Variants in BMP6 observed in about 807,000 individuals in gnomAD.
BMP6 encodes the protein VG-1-R.
BMP6 carries 17 observed loss-of-function variants against 54.1 expected under a neutral mutation model. That is an observed-to-expected ratio of 0.31 (90% CI 0.22 to 0.47). The LOEUF is 0.47. BMP6 is among the 20% of genes least tolerant of loss of function. The probability of loss-of-function intolerance (pLI) is 1.00; values close to 1 mark genes in which losing one functional copy is unlikely to be tolerated. For missense variants in BMP6, 720 were observed against 690.4 expected, an observed-to-expected ratio of 1.04 and a Z score of -0.48; for synonymous variants, 328 against 291.2, an observed-to-expected ratio of 1.13 and a Z score of -1.28.
chr6:7,833,799 A>C (rs1444545054), intron 1 of BMP6, among the ~76,000 whole-genome samples: 1 of 152,224 alleles, frequency 6.6e-6, no homozygotes. Context: ...TTTAGGAGTG[A>C]GAGGAATGTG....
intron 4 of BMP6, among the ~76,000 whole-genome samples, chr6:7,872,629 T>G (rs1759546285): frequency 6.6e-6 from 1 of 152,176 alleles, no homozygotes; most frequent in African/African-American, 2.4e-5. Context: ...AACAGCAGGT[T>G]CACAGAAACC....
intron 2 of BMP6, among the ~76,000 whole-genome samples, chr6:7,856,477 C>T (rs199621232): frequency 4.0e-5 from 6 of 151,324 alleles, no homozygotes; most frequent in East Asian, 1.9e-4. Flanking sequence ...CAAGTCCAGA[C>T]GTACAAATGC....
chr6:7,756,161 G>T (rs1259055668), intron 1 of BMP6, among the ~76,000 whole-genome samples: 1 of 151,888 alleles, frequency 6.6e-6, no homozygotes, highest in Non-Finnish European at 1.5e-5. Flanking sequence ...TTACCCATAG[G>T]CTGGACTTCT....
intron 1 of BMP6, among the ~76,000 whole-genome samples, chr6:7,788,845 C>T (rs1318736116): frequency 2.0e-5 from 3 of 151,552 alleles, no homozygotes; most frequent in Non-Finnish European, 4.4e-5. Context: ...TAAGATCCCT[C>T]CCACCCCTTA....
intron 1 of BMP6, among the ~76,000 whole-genome samples, chr6:7,785,359 T>C (rs1758005811): frequency 6.6e-6 from 1 of 152,252 alleles, no homozygotes; most frequent in Admixed American, 6.5e-5. Context: ...GTGTCATAAC[T>C]GAGTGCTTGT....
chr6:7,833,559 A>AGAT (rs1391689112), intron 1 of BMP6, among the ~76,000 whole-genome samples: 3 of 152,182 alleles, frequency 2.0e-5, no homozygotes, highest in African/African-American at 7.2e-5. Context: ...GCTGGGCTGG[A>AGAT]GATAGAAATT....
intron 2 of BMP6, among the ~76,000 whole-genome samples, chr6:7,849,036 A>G (rs549826449): frequency 6.6e-6 from 1 of 152,186 alleles, no homozygotes; most frequent in African/African-American, 2.4e-5. Context: ...TTCCTAAACT[A>G]TTGTCTGCTA....
At chr6:7,730,142 C>T (rs1761826330) in intron 1 of BMP6, among the ~76,000 whole-genome samples, 1 of 152,182 alleles carries the variant, frequency 6.6e-6, no homozygotes, top group Non-Finnish European at 1.5e-5. Flanking sequence ...TAGTGACCCT[C>T]CAAATTCCCC....
chr6:7,778,275 A>G (rs572479396), intron 1 of BMP6, among the ~76,000 whole-genome samples: 83 of 152,322 alleles, frequency 5.4e-4, no homozygotes, highest in Non-Finnish European at 8.8e-4. Flanking sequence ...TAAAACAAAT[A>G]TTACTAACAG....
chr6:7,770,659 T>G (rs1034850861), intron 1 of BMP6, among the ~76,000 whole-genome samples: 2 of 152,236 alleles, frequency 1.3e-5, no homozygotes, highest in Non-Finnish European at 2.9e-5. Flanking sequence ...TCTGAACCTT[T>G]TGATTCTGTA....
intron 1 of BMP6, among the ~76,000 whole-genome samples, chr6:7,766,990 TTG>T (rs1359358435): frequency 1.3e-5 from 1 of 75,022 alleles, no homozygotes; most frequent in Non-Finnish European, 2.6e-5. Context: ...GATAGTTTGT[TTG>T]TTTTTTTTTT....
In BMP6 at chr6:7,852,600, A is replaced by G. The variant is rs145439453; in HGVS notation, c.857+7268A>G. On this transcript the variant is annotated intron_variant, in intron 2 of 6. Coordinates refer to ENST00000283147, the MANE Select transcript of BMP6 (RefSeq NM_001718.6). ...TCAAAAAATTTTTTTTAATTTTAAA[A>G]ATCTTAGAAAAATAAAAAACCATAA... is the stretch of plus-strand genomic sequence containing the variant. Among the ~76,000 whole-genome samples, 431 of 152,294 alleles carry G rather than the reference A, an allele frequency of 2.8e-3. 4 individuals are homozygous for G. The highest frequency in any genetic ancestry group is 9.7e-3 in the African/African-American group (405 of 41,578).
At chr6:7,728,231 C>T (rs757431358) in intron 1 of BMP6, among the ~76,000 whole-genome samples, 1 of 152,220 alleles carries the variant, frequency 6.6e-6, no homozygotes, top group Admixed American at 6.5e-5. Flanking sequence ...CCGGGCGGGG[C>T]TCGCTTCTGT....
At chr6:7,767,010 G>A (rs547027864) in intron 1 of BMP6, among the ~76,000 whole-genome samples, 188 of 139,796 alleles carry the variant, frequency 1.3e-3, no homozygotes, top group African/African-American at 4.1e-3. Context: ...TTTTTGAGAC[G>A]GAGTCTCGCT....
chr6:7,819,961 G>A (rs997752657), intron 1 of BMP6, among the ~76,000 whole-genome samples: 2 of 152,188 alleles, frequency 1.3e-5, no homozygotes, highest in African/African-American at 2.4e-5. Flanking sequence ...AAAGTTAAGC[G>A]TTGGTGAAAG....
Position 7,823,354 on chromosome 6 carries a change from C to T in BMP6, c.665-21786C>T, listed in dbSNP as rs115929748. On this transcript the variant is annotated intron_variant, in intron 1 of 6. Transcript: ENST00000283147. Reference sequence around the variant, plus strand: ...TTTGAGACAGATGAGTCGTTATTACCTCCCTTTAGCCAATGAAGACAATAA... The same window carrying T: ...TTTGAGACAGATGAGTCGTTATTACTTCCCTTTAGCCAATGAAGACAATAA... Among the ~76,000 whole-genome samples the T allele has an allele frequency of 8.3e-3, 1,261 of 152,234 alleles. 24 individuals are homozygous for T. The highest frequency in any genetic ancestry group is 0.029 in the African/African-American group (1,221 of 41,532).
intron 2 of BMP6, among the ~76,000 whole-genome samples, chr6:7,858,133 A>G (rs1211742729): frequency 1.3e-5 from 2 of 152,138 alleles, no homozygotes; most frequent in Admixed American, 1.3e-4. Flanking sequence ...TCCAGGCTGG[A>G]GTGCAGAGGT....
Position 7,727,146 on chromosome 6 carries a change from C to A in BMP6, c.191C>A (p.Ser64Ter). The A allele has an allele frequency of 6.4e-7, 1 of 1,572,648 alleles. No homozygotes were observed. Among genetic ancestry groups the A allele is most frequent in the Admixed American group, 1.8e-5 (1 of 54,364 alleles). ...CCGCCGCCGTCGCCGCAGTCCTCCT[C>A]GGGCTTCCTGTACCGGCGGCTCAAG... ...EQPPPSPQSS[S>*]GFLYRRLKTQ... The change falls in exon 1 of 7, where the codon TCG becomes TAG. Residue 64 changes from serine (S) to a stop codon, truncating the protein, a stop_gained. Coordinates refer to ENST00000283147, the MANE Select transcript of BMP6 (RefSeq NM_001718.6). LOFTEE classifies it high-confidence loss of function.
At chr6:7,860,267 T>C (rs1282281873) in intron 2 of BMP6, among the ~76,000 whole-genome samples, 1 of 152,218 alleles carries the variant, frequency 6.6e-6, no homozygotes, top group African/African-American at 2.4e-5. Flanking sequence ...CTTATGTAAA[T>C]GTATGCTTAT....
Sources: allele counts gnomAD v4.1 joint callset (sites outside exome capture counted in the v4.1 genomes callset), GRCh38; gene constraint gnomAD v4.1.1; transcripts MANE v1.5; gene names NCBI Gene and HGNC (gene_info 2026-07-23, HGNC 2026-07-21).